The following GCH1 variants were observed in gnomAD, a reference collection of about 807,000 sequenced individuals.
The protein encoded by GCH1 is GTP cyclohydrolase 1, also known as GTP cyclohydrolase I.
GCH1 carries 5 observed loss-of-function variants against 25.9 expected under a neutral mutation model. The ratio of observed to expected loss-of-function variants is 0.19; its 90% CI spans 0.10 to 0.41. The LOEUF is 0.41. Ranked by LOEUF, GCH1 falls within the 10% of genes least tolerant of loss-of-function variation. The pLI is 1.00. For synonymous variants in GCH1, 159 were observed against 129.6 expected (o/e 1.23, Z -1.54); for missense variants, 261 against 336.5 (o/e 0.78, Z 1.75).
At chr14:54,878,193 A>T (rs759882905) in intron 1 of GCH1, 11 of 154,534 alleles carry the variant, frequency 7.1e-5, no homozygotes, top group African/African-American at 2.6e-4. Context: ...CTGAACCCAT[A>T]GTATAGGAAT....
chr14:54,890,430 G>A (rs573160173), intron 1 of GCH1, among the ~76,000 whole-genome samples: 1 of 152,294 alleles, frequency 6.6e-6, no homozygotes, highest in East Asian at 1.9e-4. Flanking sequence ...CCTGGGAGGT[G>A]GAGGTTGCGG....
At chr14:54,890,032 C>A (rs1476045560) in intron 1 of GCH1, among the ~76,000 whole-genome samples, 3 of 152,066 alleles carry the variant, frequency 2.0e-5, no homozygotes, top group Admixed American at 6.5e-5. Flanking sequence ...ATCACTTTGG[C>A]ATGAATGGAT....
intron 1 of GCH1, among the ~76,000 whole-genome samples, chr14:54,894,058 T>C (rs749208522): frequency 3.9e-5 from 6 of 152,242 alleles, no homozygotes; most frequent in Non-Finnish European, 8.8e-5. Flanking sequence ...ATCAATGAAA[T>C]TGTAGTAAAA....
At chr14:54,869,502 C>T (rs767846687) in intron 1 of GCH1, among the ~76,000 whole-genome samples, 16 of 151,598 alleles carry the variant, frequency 1.1e-4, no homozygotes, top group Middle Eastern at 3.2e-3. Flanking sequence ...CTTTTTGAAA[C>T]GAAGTTTTGC....
intron 1 of GCH1, among the ~76,000 whole-genome samples, chr14:54,873,352 G>C (rs1011975291): frequency 1.3e-5 from 2 of 152,208 alleles, no homozygotes; most frequent in African/African-American, 4.8e-5. Context: ...GCAGTGTGTA[G>C]AGGGAAATTT....
Position 54,847,682 on chromosome 14 carries a change from A to ATC in GCH1, c.510-554_510-553dup, listed in dbSNP as rs753454283. ...AACTCCCCTTTATATATATATATAT[A>ATC]TCTCCTATTAGTTCTGTCCCTCTAG... On this transcript the variant is annotated intron_variant, in intron 3 of 5. Coordinates refer to ENST00000491895, the MANE Select transcript of GCH1 (RefSeq NM_000161.3). 3.3e-5 allele frequency among the ~76,000 whole-genome samples: 5 copies of ATC among 151,762 alleles called. No homozygotes were observed. The South Asian group carries it at 1.0e-3, about 32-fold the overall frequency.
Position 54,843,461 on chromosome 14 carries a change from C to T in GCH1, c.*556G>A. 1.6e-6 allele frequency: 2 copies of T among 1,238,278 alleles called. No individual in the cohort carries two copies. The highest frequency in any genetic ancestry group is 2.0e-6 in the Non-Finnish European group (2 of 988,938). 76.7% of individuals were successfully genotyped at this position (1,238,278 alleles called of 1,614,324 possible). A position where few individuals can be genotyped will look rare whatever the true frequency, so the allele number is the denominator to read the frequency against. ...AATCAAAAACATAGACATTCCACCA[C>T]CTTCCCTTGGTGACTAACATTACGA... On this transcript the variant is annotated 3_prime_UTR_variant, in exon 6 of 6. Transcript: ENST00000491895.
At chr14:54,900,817 A>T (rs1034715852) in intron 1 of GCH1, among the ~76,000 whole-genome samples, 1 of 150,252 alleles carries the variant, frequency 6.7e-6, no homozygotes, top group Admixed American at 6.8e-5. Flanking sequence ...AGGCCTTAAG[A>T]AGACATTTCA....
At chr14:54,885,769 G>A (rs1232577595) in intron 1 of GCH1, among the ~76,000 whole-genome samples, 2 of 152,188 alleles carry the variant, frequency 1.3e-5, no homozygotes, top group Admixed American at 1.3e-4. Flanking sequence ...TGCGCCTGTA[G>A]TCCTGGCTAC....
chr14:54,895,512 A>G (rs2140118094), intron 1 of GCH1, among the ~76,000 whole-genome samples: 1 of 152,324 alleles, frequency 6.6e-6, no homozygotes, highest in South Asian at 2.1e-4. Context: ...GGCTGTTCCC[A>G]TGTATACCTG....
intron 3 of GCH1, among the ~76,000 whole-genome samples, chr14:54,857,665 A>C (rs1471800639): frequency 2.0e-5 from 3 of 152,242 alleles, no homozygotes; most frequent in Non-Finnish European, 4.4e-5. Context: ...ATATTATAAA[A>C]CCATAAGAAT....
At chr14:54,894,165 A>G (rs1475564445) in intron 1 of GCH1, among the ~76,000 whole-genome samples, 1 of 152,222 alleles carries the variant, frequency 6.6e-6, no homozygotes, top group African/African-American at 2.4e-5. Context: ...AACCCCAGGT[A>G]TCTTTAGCAT....
At chr14:54,864,843 G>C (rs1266127573) in intron 2 of GCH1, among the ~76,000 whole-genome samples, 1 of 152,064 alleles carries the variant, frequency 6.6e-6, no homozygotes, top group African/African-American at 2.4e-5. Context: ...TCCTAATATA[G>C]AAAGGAATGG....
chr14:54,876,585 G>A (rs1836378972), intron 1 of GCH1, among the ~76,000 whole-genome samples: 1 of 152,068 alleles, frequency 6.6e-6, no homozygotes. Context: ...CTTGAACCCA[G>A]GATAGGAGTT....
At chr14:54,863,531 A>G (rs12884925) in intron 2 of GCH1, among the ~76,000 whole-genome samples, 1 of 150,186 alleles carries the variant, frequency 6.7e-6, no homozygotes, top group Non-Finnish European at 1.5e-5. Context: ...AGAGGCAACA[A>G]TACAAAGGTC....
intron 1 of GCH1, among the ~76,000 whole-genome samples, chr14:54,892,068 A>T (rs989102743): frequency 6.6e-6 from 1 of 152,242 alleles, no homozygotes; most frequent in African/African-American, 2.4e-5. Context: ...ATTAAGAACA[A>T]ATCTTCTATC....
intron 1 of GCH1, among the ~76,000 whole-genome samples, chr14:54,870,930 T>C (rs2140083532): frequency 6.6e-6 from 1 of 152,310 alleles, no homozygotes; most frequent in African/African-American, 2.4e-5. Flanking sequence ...GGGCACGGCA[T>C]AGCCGAACAA....
chr14:54,869,882 T>C (rs2040044346), intron 1 of GCH1, among the ~76,000 whole-genome samples: 1 of 152,212 alleles, frequency 6.6e-6, no homozygotes, highest in Non-Finnish European at 1.5e-5. Flanking sequence ...TACTGATACA[T>C]GTAATAACAT....
In GCH1 at chr14:54,887,395, T is replaced by C. The variant is rs560211035; in HGVS notation, c.343+14926A>G. 3.3e-5 allele frequency among the ~76,000 whole-genome samples: 5 copies of C among 151,910 alleles called. No homozygotes were observed. In the East Asian group the frequency reaches 9.7e-4, roughly 29 times the overall value. ...ACCTGACTTGCAGTTACCAGGAATA[T>C]GAGAAATATAGAAGTTAAATGAAAA... is the stretch of plus-strand genomic sequence containing the variant. On this transcript the variant is annotated intron_variant, in intron 1 of 5. Transcript: ENST00000491895.
Sources: allele counts gnomAD v4.1 joint callset (sites outside exome capture counted in the v4.1 genomes callset), GRCh38; gene constraint gnomAD v4.1.1; transcripts MANE v1.5; gene names NCBI Gene and HGNC (gene_info 2026-07-23, HGNC 2026-07-21).